CA8: variants seen among roughly 807,000 people sequenced by gnomAD.
CA8 encodes the protein carbonic anhydrase-related protein.
CA8 carries 22 observed loss-of-function variants against 41.4 expected under a neutral mutation model. The ratio of observed to expected loss-of-function variants is 0.53; its 90% confidence interval spans 0.38 to 0.76. CA8 has a LOEUF of 0.76. Among genes scored for constraint, CA8 ranks in the 30% least tolerant of loss-of-function variants. The probability of loss-of-function intolerance (pLI) is 0.00; values close to 1 mark genes in which losing one functional copy is unlikely to be tolerated. For missense variants in CA8, 270 were observed against 352.8 expected, an observed-to-expected ratio of 0.77 and a Z score of 1.88; for synonymous variants, 121 against 130.6, an observed-to-expected ratio of 0.93 and a Z score of 0.50.
intron 8 of CA8, among the ~76,000 whole-genome samples, chr8:60,192,659 GCAA>G (rs1269760058): frequency 8.6e-5 from 13 of 152,008 alleles, no homozygotes; most frequent in African/African-American, 3.1e-4. Flanking sequence ...ATAAATAAGT[GCAA>G]CAAAATGACA....
At chr8:60,229,678 G>C (rs780220351) in intron 4 of CA8, among the ~76,000 whole-genome samples, 7 of 152,114 alleles carry the variant, frequency 4.6e-5, no homozygotes, top group Non-Finnish European at 7.4e-5. Context: ...CTTTAACTCT[G>C]AAAGACTGGC....
intron 7 of CA8, among the ~76,000 whole-genome samples, chr8:60,219,164 CTT>C (rs66853476): frequency 1.0e-4 from 15 of 144,072 alleles, no homozygotes; most frequent in African/African-American, 2.0e-4. Context: ...GTTATTCTGC[CTT>C]TTTTTTTTTT....
At chr8:60,275,541 G>A (rs1585938387) in intron 2 of CA8, among the ~76,000 whole-genome samples, 1 of 151,356 alleles carries the variant, frequency 6.6e-6, no homozygotes, top group South Asian at 2.1e-4. Flanking sequence ...GAAAGTAAGA[G>A]TTCAATCAAA....
At chr8:60,258,862 C>CT (rs1429258102) in intron 3 of CA8, among the ~76,000 whole-genome samples, 1 of 152,212 alleles carries the variant, frequency 6.6e-6, no homozygotes, top group African/African-American at 2.4e-5. Context: ...GTAATGCTCA[C>CT]TGGCCCACCA....
At chr8:60,197,716 C>T (rs1806320883) in intron 8 of CA8, among the ~76,000 whole-genome samples, 1 of 151,442 alleles carries the variant, frequency 6.6e-6, no homozygotes, top group Non-Finnish European at 1.5e-5. Context: ...CCATTTTATT[C>T]TGTACTGTTT....
At chr8:60,267,904 T>C (rs1396895122) in intron 2 of CA8, among the ~76,000 whole-genome samples, 1 of 152,198 alleles carries the variant, frequency 6.6e-6, no homozygotes, top group African/African-American at 2.4e-5. Context: ...TCCTCTTCAA[T>C]AAACATCCAT....
intron 8 of CA8, among the ~76,000 whole-genome samples, chr8:60,193,763 T>C (rs1445638840): frequency 6.6e-6 from 1 of 152,170 alleles, no homozygotes; most frequent in Non-Finnish European, 1.5e-5. Flanking sequence ...GATGGTGTCT[T>C]GGTGTGAGTG....
At chr8:60,233,662 G>C (rs747191627) in intron 3 of CA8, among the ~76,000 whole-genome samples, 5 of 152,182 alleles carry the variant, frequency 3.3e-5, no homozygotes, top group Non-Finnish European at 5.9e-5. Context: ...TAGTGGTAGA[G>C]GTAAGAACTG....
intron 3 of CA8, among the ~76,000 whole-genome samples, chr8:60,248,796 T>A (rs1023357938): frequency 6.6e-6 from 1 of 152,172 alleles, no homozygotes; most frequent in Non-Finnish European, 1.5e-5. Flanking sequence ...AGAATGTCAA[T>A]GGTAGTTTAA....
At position 60,210,862 on chromosome 8, in the gene CA8, T is replaced by C. The variant is rs567666598; in HGVS notation, c.739-1943A>G. Among the ~76,000 whole-genome samples, 12 of 152,308 alleles carry C rather than the reference T, an allele frequency of 7.9e-5. No individual in the cohort carries two copies. The South Asian group carries it at 2.5e-3, about 32-fold the overall frequency. On this transcript the variant is annotated intron_variant, in intron 7 of 8. Coordinates refer to ENST00000317995, the MANE Select transcript of CA8 (RefSeq NM_004056.6). ...TCAGCTATTAGAATGAAAATACGAG[T>C]AGCATCTATTGCTTGTTGCATCTGA...
intron 7 of CA8, among the ~76,000 whole-genome samples, chr8:60,217,237 C>G (rs558233778): frequency 6.6e-6 from 1 of 152,310 alleles, no homozygotes; most frequent in Non-Finnish European, 1.5e-5. Flanking sequence ...AAATTACCCT[C>G]GATAAAGTAA....
intron 3 of CA8, among the ~76,000 whole-genome samples, chr8:60,252,947 T>C (rs545165658): frequency 6.6e-6 from 1 of 152,000 alleles, no homozygotes; most frequent in Non-Finnish European, 1.5e-5. Flanking sequence ...AAAAGCAACA[T>C]GGCTCAGGGT....
At chr8:60,191,805 TAC>T (rs1166055141) in intron 8 of CA8, among the ~76,000 whole-genome samples, 1 of 152,130 alleles carries the variant, frequency 6.6e-6, no homozygotes, top group African/African-American at 2.4e-5. Context: ...GGTAGGTAAA[TAC>T]ACAGTCATTC....
Position 60,188,111 on chromosome 8 carries a change from T to C in CA8, c.*1910A>G, listed in dbSNP as rs1318625280. 2 of 152,240 alleles carry C rather than the reference T, an allele frequency of 1.3e-5. No individual in the cohort carries two copies. The highest frequency in any genetic ancestry group is 2.9e-5 in the Non-Finnish European group (2 of 68,046). 9.4% of individuals were successfully genotyped at this position (152,240 alleles called of 1,614,324 possible). ...CATGATCTGAACCAAGTAGTTCATT[T>C]CAGTCTTTTACTCAGAAAATATACA... On this transcript the variant is annotated 3_prime_UTR_variant, in exon 9 of 9. Transcript: ENST00000317995.
intron 3 of CA8, among the ~76,000 whole-genome samples, chr8:60,245,708 A>G (rs185227328): frequency 6.6e-6 from 1 of 152,330 alleles, no homozygotes; most frequent in Admixed American, 6.5e-5. Context: ...AAGGTAAAGT[A>G]TCATTTTCTT....
intron 3 of CA8, among the ~76,000 whole-genome samples, chr8:60,264,121 C>T (rs967514591): frequency 6.6e-6 from 1 of 152,208 alleles, no homozygotes; most frequent in African/African-American, 2.4e-5. Flanking sequence ...GCTGCTGAAA[C>T]GTCACCAAGT....
In CA8 at chr8:60,186,470, A is replaced by C. The variant is rs1250086777; in HGVS notation, c.*3551T>G. Among the ~76,000 whole-genome samples the C allele has an allele frequency of 1.3e-5, 2 of 151,934 alleles. No individual in the cohort carries two copies. Among genetic ancestry groups the C allele is most frequent in the Non-Finnish European group, 2.9e-5 (2 of 67,892 alleles). On this transcript the variant is annotated 3_prime_UTR_variant, in exon 9 of 9. Transcript: ENST00000317995. ...ATATTCACCTAATTAAAAAAAAAGT[A>C]ATAGAGGAGGAATAAAGGAACAACA...
At chr8:60,257,494 G>A (rs959460248) in intron 3 of CA8, among the ~76,000 whole-genome samples, 1 of 152,180 alleles carries the variant, frequency 6.6e-6, no homozygotes, top group African/African-American at 2.4e-5. Context: ...AGATTGCAGA[G>A]GTTAGATGTA....
At chr8:60,257,818 A>C (rs561816165) in intron 3 of CA8, among the ~76,000 whole-genome samples, 3 of 152,268 alleles carry the variant, frequency 2.0e-5, no homozygotes, top group African/African-American at 7.2e-5. Flanking sequence ...CATCTCAAAC[A>C]ATGTATTTGC....
Sources: allele counts gnomAD v4.1 joint callset (sites outside exome capture counted in the v4.1 genomes callset), GRCh38; gene constraint gnomAD v4.1.1; transcripts MANE v1.5; gene names NCBI Gene and HGNC (gene_info 2026-07-23, HGNC 2026-07-21).